Variants in DGKZ observed in about 807,000 individuals in gnomAD.
DGKZ encodes the protein DAG kinase zeta.
DGKZ carries 45 observed loss-of-function variants against 142.5 expected under a neutral mutation model. The observed-to-expected ratio is 0.32, with a 90% CI of 0.25 to 0.40. The LOEUF (loss-of-function observed/expected upper bound fraction) is 0.40, where lower values mean the gene tolerates loss of function less well. Ranked by LOEUF, DGKZ falls within the 10% of genes least tolerant of loss-of-function variation. The probability of loss-of-function intolerance (pLI) is 1.00; values close to 1 mark genes in which losing one functional copy is unlikely to be tolerated. For synonymous variants in DGKZ, 442 were observed against 527.0 expected, an observed-to-expected ratio of 0.84 and a Z score of 2.21; for missense variants, 755 against 1,306.5, an observed-to-expected ratio of 0.58 and a Z score of 6.51.
chr11:46,343,758 A>G (rs1374985237), upstream of DGKZ, among the ~76,000 whole-genome samples: 1 of 152,090 alleles, frequency 6.6e-6, no homozygotes, highest in Non-Finnish European at 1.5e-5. Context: ...TCTTTGTTCC[A>G]TGCCTTTGCT....
intron 14 of DGKZ, among the ~76,000 whole-genome samples, chr11:46,373,433 G>A (rs1225006210): frequency 6.7e-6 from 1 of 149,580 alleles, no homozygotes; most frequent in Non-Finnish European, 1.5e-5. Flanking sequence ...ATTATAGGCA[G>A]GTGCCACCAC....
chr11:46,374,093 G>A, intron 14 of DGKZ, 64 bp from the exon 15 acceptor site: 2 of 1,574,190 alleles, frequency 1.3e-6, no homozygotes, highest in Non-Finnish European at 1.7e-6. Context: ...GGCCACACGA[G>A]GCCCCTGGAG....
Position 46,374,374 on chromosome 11 carries a change from G to GC in DGKZ, c.1406-20dup. ...CTGGGCAGGCTGGGGTGACTCACTG[G>GC]CCCCCACTGCTTGTCTCCACCCAGA... On this transcript the variant is annotated intron_variant, in intron 15 of 30. Transcript: ENST00000527911. The GC allele has an allele frequency of 1.9e-6, 3 of 1,613,984 alleles. No homozygotes were observed. In the East Asian group the frequency reaches 6.7e-5, roughly 36 times the overall value.
At chr11:46,373,486 G>GTTTTTTTTTT (rs560356746) in intron 14 of DGKZ, among the ~76,000 whole-genome samples, 1 of 129,484 alleles carries the variant, frequency 7.7e-6, no homozygotes. Context: ...TTTTTTTCTT[G>GTTTTTTTTTT]TTTTTTTTTT....
chr11:46,335,181 G>A (rs995432476), intron 1 of DGKZ, among the ~76,000 whole-genome samples: 6 of 152,086 alleles, frequency 3.9e-5, no homozygotes, highest in Admixed American at 1.3e-4. Flanking sequence ...AGGTGTGGTG[G>A]CAGGCACCTG....
intron 1 of DGKZ, chr11:46,365,276 G>A (rs1384488236): frequency 1.0e-6 from 1 of 985,318 alleles, no homozygotes; most frequent in East Asian, 1.1e-4. Context: ...GCAGAAGAAT[G>A]TGCAGTCACA....
At chr11:46,355,045 C>T (rs1034392784) in intron 1 of DGKZ, among the ~76,000 whole-genome samples, 1 of 152,244 alleles carries the variant, frequency 6.6e-6, no homozygotes, top group Non-Finnish European at 1.5e-5. Context: ...TCAGCTTAGA[C>T]AGATGTTGCC....
intron 1 of DGKZ, chr11:46,339,014 A>T (rs1300287569): frequency 6.6e-6 from 1 of 152,222 alleles, no homozygotes; most frequent in Non-Finnish European, 1.5e-5. Flanking sequence ...CAGGGGTGGT[A>T]AAGTTTAACA....
intron 1 of DGKZ, chr11:46,366,313 GCAGCAGCGGCC>G: frequency 3.2e-6 from 5 of 1,579,634 alleles, no homozygotes; most frequent in East Asian, 4.5e-5. Context: ...CTGGAGAGGG[GCAGCAGCGGCC>G]CAGCAGCGTG....
chr11:46,350,992 C>T (rs1941314670), intron 1 of DGKZ, among the ~76,000 whole-genome samples: 1 of 151,832 alleles, frequency 6.6e-6, no homozygotes, highest in African/African-American at 2.4e-5. Context: ...AGAGGAGGTA[C>T]AGGCCCCTAC....
intron 6 of DGKZ, 110 bp from the exon 7 acceptor site, chr11:46,371,203 G>A: frequency 9.4e-7 from 1 of 1,064,736 alleles, no homozygotes; most frequent in Non-Finnish European, 1.4e-6. Flanking sequence ...ACCAGCCTGG[G>A]CAACATAGCG....
chr11:46,345,264 G>T, upstream of DGKZ: 1 of 1,357,546 alleles, frequency 7.4e-7, no homozygotes, highest in Non-Finnish European at 9.4e-7. This position sits in a 1 kb window ranked among gnomAD's most constrained non-coding sequence, Gnocchi z 4.1. Context: ...AGCTCTTCAC[G>T]GCAGCTGGCC....
At position 46,378,243 on chromosome 11, in the gene DGKZ, C is replaced by G; in HGVS notation, c.2374+14C>G. On this transcript the variant is annotated intron_variant, in intron 26 of 30. Transcript: ENST00000527911. ...CACCCCCTCAAGGTGAGGCCTCTCC[C>G]TCTGGGGCCCCTCCTTTCTGCCTGG... 1 of 1,601,714 alleles carries G rather than the reference C, an allele frequency of 6.2e-7. No individual in the cohort carries two copies. The highest frequency in any genetic ancestry group is 8.5e-7 in the Non-Finnish European group (1 of 1,174,496).
At chr11:46,379,333 G>A (rs537728970) in intron 29 of DGKZ, 97 bp downstream of exon 29, 1 of 1,580,988 alleles carries the variant, frequency 6.3e-7, no homozygotes, top group East Asian at 2.2e-5. Flanking sequence ...AAACTTCCTG[G>A]TCACATCTGT....
intron 1 of DGKZ, among the ~76,000 whole-genome samples, chr11:46,363,298 G>A (rs573011558): frequency 1.3e-5 from 2 of 152,204 alleles, no homozygotes; most frequent in Non-Finnish European, 2.9e-5. Flanking sequence ...GAGGGGCATG[G>A]GAGCACGGAG....
In DGKZ at chr11:46,367,361, G is replaced by A. The variant is rs759891562; in HGVS notation, c.232G>A (p.Glu78Lys). The A allele has an allele frequency of 6.2e-6, 10 of 1,613,178 alleles. No individual in the cohort carries two copies. The highest frequency in any genetic ancestry group is 1.1e-5 in the South Asian group (1 of 91,076). ...GCCCACCCCTGGGGCCCCGTGCAGC[G>A]AGTCAGAGCGGCAGATCCGGAGTAC... Residue 78 changes from glutamate to lysine, a missense_variant, in exon 2 of 31, where the codon GAG becomes AAG. Coordinates refer to ENST00000527911, the Ensembl canonical transcript of DGKZ. The surrounding 1 kb of genome is among the most constrained non-coding windows in gnomAD (Gnocchi z 4.1).
chr11:46,351,833 T>C (rs1229004525), intron 1 of DGKZ, among the ~76,000 whole-genome samples: 2 of 152,162 alleles, frequency 1.3e-5, no homozygotes, highest in Non-Finnish European at 2.9e-5. Flanking sequence ...AGTGTAGAAT[T>C]CTCACAGTCT....
chr11:46,379,007 G>A (rs757942318), exon 28 of DGKZ: 28 of 1,575,928 alleles, frequency 1.8e-5, no homozygotes, highest in African/African-American at 8.1e-5. Flanking sequence ...GAGCTGCACC[G>A]AGCTGGGGGC....
chr11:46,376,035 G>A, intron 21 of DGKZ, 31 bp from the exon 22 acceptor site: 1 of 1,612,020 alleles, frequency 6.2e-7, no homozygotes, highest in Admixed American at 1.7e-5. Flanking sequence ...GTGGGGTGCA[G>A]CCAGCTGCTG....
Sources: gnomAD v4.1 joint callset for allele counts (sites outside exome capture counted in the v4.1 genomes callset) on GRCh38, gnomAD v4.1.1 for gene constraint, Gnocchi (gnomAD v3.1) non-coding constraint, MANE v1.5 for transcripts, NCBI Gene and HGNC (gene_info 2026-07-23, HGNC 2026-07-21) for gene names.